The following CDHR4 variants were observed in gnomAD, a reference collection of about 807,000 sequenced individuals.
CDHR4 encodes cadherin related family member 4.
CDHR4 carries 89 observed loss-of-function variants against 88.4 expected under a neutral mutation model. That is an observed-to-expected ratio of 1.01 (90% CI 0.85 to 1.20). The LOEUF (loss-of-function observed/expected upper bound fraction) is 1.20, where lower values mean the gene tolerates loss of function less well. Among genes scored for constraint, CDHR4 ranks in the 50% most tolerant of loss-of-function variants. CDHR4 has a pLI of 0.00. For missense variants in CDHR4, 914 were observed against 1,007.2 expected (o/e 0.91, Z 1.25); for synonymous variants, 368 against 399.2 (o/e 0.92, Z 0.93).
upstream of CDHR4, among the ~76,000 whole-genome samples, chr3:49,802,323 G>A (rs577596968): frequency 1.3e-5 from 2 of 152,168 alleles, no homozygotes; most frequent in East Asian, 1.9e-4. Context: ...ACAGGCGCCC[G>A]CCACCACGCC....
At chr3:49,802,326 AC>A (rs1399348079), upstream of CDHR4, among the ~76,000 whole-genome samples, 10 of 151,982 alleles carry the variant, frequency 6.6e-5, no homozygotes, top group African/African-American at 2.4e-4. Context: ...GGCGCCCGCC[AC>A]CACGCCCGGC....
Position 49,796,008 on chromosome 3 carries a change from C to T in CDHR4, c.645G>A (p.Arg215=). 1.9e-6 allele frequency: 3 copies of T among 1,543,156 alleles called. No individual in the cohort carries two copies. The highest frequency in any genetic ancestry group is 2.6e-6 in the Non-Finnish European group (3 of 1,143,614). ...QLQISVSFGQ[R]QSCQGMVIVK... is the part of the protein sequence containing the mutation. ...CTATCACCATCCCTTGGCAGCTTTG[C>T]CTTTGTCCAAAGGACACTGAGATTT... Residue 215 remains arginine (R), a synonymous_variant, in exon 6 of 19, where the codon AGG becomes AGA. Transcript: ENST00000412678.
rs908662557 is a variant in CDHR4 at position 49,794,945 on chromosome 3, A to C, written c.1185+2T>G. On this transcript the variant is annotated splice_donor_variant, in intron 9 of 18. Transcript: ENST00000412678. LOFTEE classifies it high-confidence loss of function. The stretch of plus-strand genomic sequence containing the variant: ...GTGGGTCTGGGAGCTGGGGCTGGGC[A>C]CCTCAAGGACTCTGTCATAAAGGCA... 6.5e-7 allele frequency: 1 copy of C among 1,547,932 alleles called. No homozygotes were observed. The highest frequency in any genetic ancestry group is 8.7e-7 in the Non-Finnish European group (1 of 1,145,240).
rs1326546556 is a variant in CDHR4 at position 49,794,113 on chromosome 3, G to C, written c.1280-107C>G. ...GCCCTGGGGGTCTAAAGAGTGAGAG[G>C]GTCTGCTGGGCGTGGTGGCTCACGC... is the stretch of plus-strand genomic sequence containing the variant. On this transcript the variant is annotated intron_variant, in intron 10 of 18. Transcript: ENST00000412678. 2.6e-6 allele frequency: 3 copies of C among 1,135,972 alleles called. No individual in the cohort carries two copies. In the Admixed American group the frequency reaches 6.9e-5, roughly 26 times the overall value. 70.4% of individuals were successfully genotyped at this position (1,135,972 alleles called of 1,614,324 possible).
upstream of CDHR4, among the ~76,000 whole-genome samples, chr3:49,802,293 C>T (rs921761029): frequency 1.3e-5 from 2 of 152,182 alleles, no homozygotes; most frequent in African/African-American, 2.4e-5. Context: ...CCTGCCTCAG[C>T]CTCAGGAGTA....
In CDHR4 at chr3:49,791,431, G is replaced by GGGGACTCAC. The variant is rs543234188; in HGVS notation, c.2311+1_2311+9dup. On this transcript the variant is annotated intron_variant, in intron 18 of 18. Coordinates refer to ENST00000412678, the MANE Select transcript of CDHR4 (RefSeq NM_001007540.4). ...CAGGCAGAGAATAGCTTAGGAAGAG[G>GGGGACTCAC]GGGACTCACGGGAGTCCTGTGCTCT... is the stretch of plus-strand genomic sequence containing the variant. 6.0e-5 allele frequency: 93 copies of GGGGACTCAC among 1,541,594 alleles called. 1 individual carries two copies. The East Asian group carries it at 1.3e-3, about 22-fold the overall frequency.
At chr3:49,801,508 C>A (rs1363299056), upstream of CDHR4, among the ~76,000 whole-genome samples, 1 of 152,162 alleles carries the variant, frequency 6.6e-6, no homozygotes, top group Non-Finnish European at 1.5e-5. Context: ...TCCTGAAGTC[C>A]AGAGTCATAC....
rs143469719 is a variant in CDHR4, at chr3:49,799,303, T to G, written c.184A>C (p.Thr62Pro). ...TLELLNVQPP[T>P]TFFNPPSLAR... Reference sequence around the variant, plus strand: ...AAGCTGGGTGGGTTGAAGAAGGTGGTGGGTGGCTGGACATTGAGCAACTCC... The same window carrying G: ...AAGCTGGGTGGGTTGAAGAAGGTGGGGGGTGGCTGGACATTGAGCAACTCC... The change falls in exon 2 of 19, where the codon ACC (threonine) becomes CCC (proline). Residue 62 changes from threonine (T) to proline (P), a missense_variant. By Grantham distance (38) the Thr-to-Pro change is conservative. Coordinates refer to ENST00000412678, the MANE Select transcript of CDHR4 (RefSeq NM_001007540.4). The G allele has an allele frequency of 3.7e-6, 6 of 1,613,792 alleles. 1 individual carries two copies. The South Asian group carries it at 6.6e-5, about 18-fold the overall frequency.
At chr3:49,793,410 C>T in intron 12 of CDHR4, 99 bp from the exon 13 acceptor site, 2 of 1,470,312 alleles carry the variant, frequency 1.4e-6, no homozygotes, top group Non-Finnish European at 1.8e-6. Flanking sequence ...GCCTAGGCAT[C>T]AAGTGATGAA....
chr3:49,796,453 C>T (rs566245014), intron 5 of CDHR4, among the ~76,000 whole-genome samples: 1 of 152,228 alleles, frequency 6.6e-6, no homozygotes, highest in African/African-American at 2.4e-5. Context: ...TCTCCTGCCT[C>T]AGCCTCCCGA....
intron 4 of CDHR4, chr3:49,798,610 T>G: frequency 2.3e-6 from 1 of 434,166 alleles, no homozygotes; most frequent in East Asian, 4.0e-5. Flanking sequence ...AAAAAAGAAC[T>G]CAGCCCCTGA....
At position 49,790,887 on chromosome 3, in the gene CDHR4, C is replaced by T. The variant is rs886743821; in HGVS notation, c.2312G>A (p.Arg771His). 2.6e-6 allele frequency: 4 copies of T among 1,550,690 alleles called. No individual in the cohort carries two copies. The highest frequency in any genetic ancestry group is 3.5e-6 in the Non-Finnish European group (4 of 1,146,496). The change falls in exon 19 of 19, where the codon CGT (arginine) becomes CAT (histidine). Residue 771 changes from arginine to histidine, a missense_variant and splice_region_variant. Coordinates refer to ENST00000412678, the MANE Select transcript of CDHR4 (RefSeq NM_001007540.4). ...LHFDGRAQDSRTGRDYLFNTH... is the reference protein window; with the variant it reads ...LHFDGRAQDSHTGRDYLFNTH... ...GTTAAACAGGTAGTCTCTTCCGGTA[C>T]CTAAAACCGGTAGGAGAGAGAGGAG...
intron 12 of CDHR4, 97 bp from the exon 13 acceptor site, chr3:49,793,408 A>T: frequency 2.0e-6 from 3 of 1,473,416 alleles, no homozygotes. Context: ...TAGCCTAGGC[A>T]TCAAGTGATG....
At position 49,793,141 on chromosome 3, in the gene CDHR4, G is replaced by T; in HGVS notation, c.1774+20C>A. ...TGGCCTGCCCCTCACTCACAACCTG[G>T]TGGTGCCCATGTCCCCTACCTCCCA... On this transcript the variant is annotated intron_variant, in intron 13 of 18. Coordinates refer to ENST00000412678, the MANE Select transcript of CDHR4 (RefSeq NM_001007540.4). 6.4e-7 allele frequency: 1 copy of T among 1,551,180 alleles called. No individual in the cohort carries two copies. Among genetic ancestry groups the T allele is most frequent in the Non-Finnish European group, 8.7e-7 (1 of 1,146,630 alleles).
chr3:49,793,200 C>T lies in CDHR4; in HGVS notation c.1735G>A (p.Glu579Lys). The T allele has an allele frequency of 1.3e-6, 2 of 1,551,678 alleles. No individual in the cohort carries two copies. The highest frequency in any genetic ancestry group is 1.7e-6 in the Non-Finnish European group (2 of 1,146,986). The change falls in exon 13 of 19, where the codon GAG (glutamate) becomes AAG (lysine). Residue 579 changes from glutamate (E) to lysine (K), a missense_variant. Transcript: ENST00000412678. ...TAGGAGTAGATCAGGCGCTGTGGCTCCTGAGGGATCTGGCATGACATCTTG... is the reference window on the plus strand; with the variant it reads ...TAGGAGTAGATCAGGCGCTGTGGCTTCTGAGGGATCTGGCATGACATCTTG... Reference protein sequence around the residue: ...VTKMSCQIPQEPQRLIYSYSI... With the variant: ...VTKMSCQIPQKPQRLIYSYSI...
rs1418139616 is a variant in CDHR4, at chr3:49,798,824, AC to A, written c.495+1del. 6.2e-7 allele frequency: 1 copy of A among 1,613,356 alleles called. No homozygotes were observed. Among genetic ancestry groups the A allele is most frequent in the African/African-American group, 1.3e-5 (1 of 74,834 alleles). ...ACCCACCGTCCCATGTTCTGGGCTTACCTGCGCTCCGTGGAGTTCTAGGCCT... is the reference window on the plus strand; with the variant it reads ...ACCCACCGTCCCATGTTCTGGGCTTACTGCGCTCCGTGGAGTTCTAGGCCT... On this transcript the variant is annotated splice_donor_variant, in intron 4 of 18. Transcript: ENST00000412678. LOFTEE classifies it high-confidence loss of function.
rs1559724332 is a variant in CDHR4, at chr3:49,793,290, C to CG, written c.1644dup (p.Glu549ArgfsTer3). The CG allele has an allele frequency of 6.4e-7, 1 of 1,551,546 alleles. No homozygotes were observed. Among genetic ancestry groups the CG allele is most frequent in the South Asian group, 1.2e-5 (1 of 84,064 alleles). Reference sequence around the variant, plus strand: ...AGTTCCTGAAATGGGGGCTCACACTCGGGGGCATGGTCATTCACATCCTGC... The same window carrying CG: ...AGTTCCTGAAATGGGGGCTCACACTCGGGGGGCATGGTCATTCACATCCTGC... On this transcript the variant is annotated frameshift_variant, in exon 13 of 19. Coordinates refer to ENST00000412678, the MANE Select transcript of CDHR4 (RefSeq NM_001007540.4). LOFTEE classifies it high-confidence loss of function.
chr3:49,798,829 C>A lies in CDHR4; in HGVS notation c.492G>T (p.Ala164=), dbSNP rs746433608. 6.2e-7 allele frequency: 1 copy of A among 1,613,528 alleles called. No individual in the cohort carries two copies. Among genetic ancestry groups the A allele is most frequent in the Admixed American group, 1.7e-5 (1 of 59,990 alleles). ...CCGTCCCATGTTCTGGGCTTACCTG[C>A]GCTCCGTGGAGTTCTAGGCCTGGGA... ...LLLPGLELHG[A]QMSIISAQDL... Residue 164 remains alanine, a synonymous_variant, in exon 4 of 19, where the codon GCG becomes GCT. Coordinates refer to ENST00000412678, the MANE Select transcript of CDHR4 (RefSeq NM_001007540.4).
chr3:49,792,988 G>C lies in CDHR4; in HGVS notation c.1861C>G (p.Arg621Gly). ...ACACAGATCAGTAGCTCATAGGTAC[G>C]GGGCTGCTCTGGCCAGAACGGCCCC... ...VLGPFWPEQP[R>G]TYELLICVAD... Residue 621 changes from arginine (R) to glycine (G), a missense_variant, in exon 14 of 19, where the codon CGT (arginine) becomes GGT (glycine). Coordinates refer to ENST00000412678, the MANE Select transcript of CDHR4 (RefSeq NM_001007540.4). 1 of 1,551,684 alleles carries C rather than the reference G, an allele frequency of 6.4e-7. No homozygotes were observed. The highest frequency in any genetic ancestry group is 8.7e-7 in the Non-Finnish European group (1 of 1,146,992).
Sources: gnomAD v4.1 joint callset for allele counts (sites outside exome capture counted in the v4.1 genomes callset) on GRCh38, gnomAD v4.1.1 for gene constraint, MANE v1.5 for transcripts, NCBI Gene and HGNC (gene_info 2026-07-23, HGNC 2026-07-21) for gene names.